Variants in FSTL4 observed in about 807,000 individuals in gnomAD.
FSTL4 encodes the protein follistatin-related protein 4.
In FSTL4, 28 loss-of-function variants were observed where a neutral mutation model predicts 78.2. The observed-to-expected ratio is 0.36, with a 90% CI of 0.27 to 0.49. FSTL4 has a LOEUF of 0.49. FSTL4 is among the 20% of genes least tolerant of loss of function. The pLI is 0.98. For missense variants in FSTL4, 922 were observed against 1,084.9 expected (o/e 0.85, Z 2.11); for synonymous variants, 422 against 440.5 (o/e 0.96, Z 0.53).
intron 2 of FSTL4, chr5:133,583,637 G>A (rs1379510129): frequency 1.8e-4 from 13 of 73,328 alleles, no homozygotes; most frequent in Admixed American, 1.4e-4. Context: ...ACCTGGCTCA[G>A]AGGGTCCTAC....
the FSTL4 span, among the ~76,000 whole-genome samples, chr5:133,658,814 T>C: frequency 6.6e-6 from 1 of 152,192 alleles, no homozygotes; most frequent in African/African-American, 2.4e-5. Flanking sequence ...TAATTTAGCA[T>C]GTGCTGCTTT....
chr5:133,387,829 C>T (rs774642379), intron 4 of FSTL4: 1 of 152,072 alleles, frequency 6.6e-6, no homozygotes, highest in Admixed American at 6.6e-5. Context: ...GATGAAGGCA[C>T]GGGGAGGCCC....
chr5:133,275,431 G>A (rs1752859151), intron 6 of FSTL4, among the ~76,000 whole-genome samples: 1 of 152,024 alleles, frequency 6.6e-6, no homozygotes, highest in Non-Finnish European at 1.5e-5. Flanking sequence ...GTGGTGGCGG[G>A]TGCCTGTAGT....
chr5:133,705,085 G>C, the FSTL4 span, among the ~76,000 whole-genome samples: 1 of 152,168 alleles, frequency 6.6e-6, no homozygotes, highest in African/African-American at 2.4e-5. Context: ...TTTTGAGATG[G>C]AGTCTCGCTC....
intron 3 of FSTL4, among the ~76,000 whole-genome samples, chr5:133,540,644 C>A (rs1006506054): frequency 2.0e-5 from 3 of 147,494 alleles, no homozygotes; most frequent in Non-Finnish European, 4.4e-5. Flanking sequence ...GACTTTCAAG[C>A]CTGGTGAGTC....
rs1751301055 is a variant in FSTL4, at chr5:133,225,546, C to T, written c.1177+112G>A. 1.9e-6 allele frequency: 2 copies of T among 1,080,414 alleles called. No individual in the cohort carries two copies. Among genetic ancestry groups the T allele is most frequent in the Admixed American group, 2.3e-5 (1 of 44,398 alleles). The allele number at this position is 1,080,414 out of a possible 1,614,324, so 66.9% of individuals were successfully genotyped here. A position where few individuals can be genotyped will look rare whatever the true frequency, so the allele number is the denominator to read the frequency against. On this transcript the variant is annotated intron_variant, in intron 9 of 15. Transcript: ENST00000265342. The surrounding 1 kb of genome is among the most constrained non-coding windows in gnomAD (Gnocchi z 4.6). ...GGGAAATTTGGGAGCCATCTGTTCA[C>T]TCCTAACCTGTCTGACTTATAAACA...
chr5:133,535,035 T>C (rs972733166), intron 3 of FSTL4, among the ~76,000 whole-genome samples: 1 of 152,198 alleles, frequency 6.6e-6, no homozygotes, highest in African/African-American at 2.4e-5. Context: ...TAATTAAGGT[T>C]AACTGTGGTC....
At position 133,224,222 on chromosome 5, in the gene FSTL4, G is replaced by A; in HGVS notation, c.1313-6C>T. 1 of 1,611,440 alleles carries A rather than the reference G, an allele frequency of 6.2e-7. No individual in the cohort carries two copies. The stretch of plus-strand genomic sequence containing the variant: ...TCGCCACAGGATGTTTGCAACTGCA[G>A]CAGCAGAGAATGAGGAAAGCAGGAG... On this transcript the variant is annotated splice_region_variant and splice_polypyrimidine_tract_variant and intron_variant, in intron 10 of 15. Transcript: ENST00000265342.
chr5:133,647,006 A>G, the FSTL4 span, among the ~76,000 whole-genome samples: 2 of 152,182 alleles, frequency 1.3e-5, no homozygotes, highest in Non-Finnish European at 2.9e-5. Flanking sequence ...AAACAACATA[A>G]TAAGGAGCAG....
At chr5:133,756,027 AG>A in the FSTL4 span, among the ~76,000 whole-genome samples, 1 of 152,352 alleles carries the variant, frequency 6.6e-6, no homozygotes, top group African/African-American at 2.4e-5. Flanking sequence ...TTGCCTTCAC[AG>A]AGCTTACATT....
At chr5:133,317,632 A>T (rs1432370275) in intron 4 of FSTL4, among the ~76,000 whole-genome samples, 1 of 152,234 alleles carries the variant, frequency 6.6e-6, no homozygotes, top group African/African-American at 2.4e-5. Flanking sequence ...CAATAGAAAG[A>T]AGTGTTAGAG....
chr5:133,269,812 C>CCA (rs1752728575), intron 6 of FSTL4, among the ~76,000 whole-genome samples: 1 of 152,240 alleles, frequency 6.6e-6, no homozygotes, highest in Non-Finnish European at 1.5e-5. Context: ...GCAGACTTCA[C>CCA]TGCAGCTCGG....
intron 8 of FSTL4, among the ~76,000 whole-genome samples, chr5:133,230,435 C>A (rs1751459409): frequency 6.6e-6 from 1 of 152,216 alleles, no homozygotes; most frequent in Non-Finnish European, 1.5e-5. Flanking sequence ...TGAAACCTGC[C>A]TGCAAGTCAA....
At chr5:133,497,595 C>T (rs944764217) in intron 3 of FSTL4, among the ~76,000 whole-genome samples, 7 of 152,118 alleles carry the variant, frequency 4.6e-5, no homozygotes, top group African/African-American at 7.2e-5. Flanking sequence ...GTGGGGGTCA[C>T]GCAGGCAGAC....
At chr5:133,261,722 GGC>G (rs1752526956) in intron 6 of FSTL4, among the ~76,000 whole-genome samples, 1 of 152,114 alleles carries the variant, frequency 6.6e-6, no homozygotes, top group African/African-American at 2.4e-5. Flanking sequence ...TGGATGTGGT[GGC>G]ACACACCTGT....
the FSTL4 span, among the ~76,000 whole-genome samples, chr5:133,740,058 T>C: frequency 6.6e-6 from 1 of 152,124 alleles, no homozygotes; most frequent in East Asian, 1.9e-4. Flanking sequence ...AAATTTTGTA[T>C]TTTTTGTAGA....
intron 4 of FSTL4, among the ~76,000 whole-genome samples, chr5:133,371,373 T>A (rs1485984989): frequency 6.6e-6 from 1 of 152,232 alleles, no homozygotes; most frequent in African/African-American, 2.4e-5. Flanking sequence ...GTTTATCCCA[T>A]GTAGGTCTCG....
chr5:133,835,056 G>A, the FSTL4 span, among the ~76,000 whole-genome samples: 9 of 152,146 alleles, frequency 5.9e-5, no homozygotes, highest in African/African-American at 2.2e-4. Context: ...CTTCAGGCAA[G>A]TTTGCTCTCA....
chr5:133,379,988 T>C (rs1322989918), intron 4 of FSTL4, among the ~76,000 whole-genome samples: 3 of 151,830 alleles, frequency 2.0e-5, no homozygotes, highest in Non-Finnish European at 4.4e-5. Flanking sequence ...GGCAGGAGAA[T>C]GGCGTGAACC....
Sources: allele counts gnomAD v4.1 joint callset (sites outside exome capture counted in the v4.1 genomes callset), GRCh38; gene constraint gnomAD v4.1.1; non-coding constraint Gnocchi (gnomAD v3.1); transcripts MANE v1.5; gene names NCBI Gene and HGNC (gene_info 2026-07-23, HGNC 2026-07-21).